The following AFAP1 variants were observed in gnomAD, a reference collection of about 807,000 sequenced individuals.
AFAP1 encodes the protein actin filament associated protein 1.
A neutral mutation model predicts 93.9 loss-of-function variants in AFAP1; 75 were observed. That is an observed-to-expected ratio of 0.80 (90% confidence interval 0.66 to 0.97). The LOEUF (loss-of-function observed/expected upper bound fraction) is 0.97, where lower values mean the gene tolerates loss of function less well. Among genes scored for constraint, AFAP1 ranks in the 50% least tolerant of loss-of-function variants. The pLI, the probability that AFAP1 is intolerant of heterozygous loss-of-function variation, is 0.00. For missense variants in AFAP1, 1,201 were observed against 1,050.8 expected (o/e 1.14, Z -1.98); for synonymous variants, 517 against 430.7 (o/e 1.20, Z -2.48).
chr4:7,814,133 G>T (rs1720273884), intron 8 of AFAP1, among the ~76,000 whole-genome samples: 2 of 152,114 alleles, frequency 1.3e-5, no homozygotes, highest in Non-Finnish European at 2.9e-5. Context: ...TCTGATAAAG[G>T]ACTTGTATTC....
intron 1 of AFAP1, among the ~76,000 whole-genome samples, chr4:7,883,654 G>A (rs1449530262): frequency 1.3e-5 from 2 of 152,170 alleles, no homozygotes; most frequent in Non-Finnish European, 2.9e-5. Context: ...CTTTCTGCAT[G>A]CTTATTTTAT....
At chr4:7,803,340 C>T (rs966782492) in intron 9 of AFAP1, among the ~76,000 whole-genome samples, 4 of 152,212 alleles carry the variant, frequency 2.6e-5, no homozygotes, top group Non-Finnish European at 5.9e-5. Context: ...TTCACGAGGC[C>T]GTGATAAGGA....
rs551122978 is a variant in AFAP1 at position 7,819,154 on chromosome 4, G to A, written c.744C>T (p.Tyr248=). The A allele has an allele frequency of 6.2e-7, 1 of 1,612,340 alleles. No individual in the cohort carries two copies. The highest frequency in any genetic ancestry group is 1.1e-5 in the South Asian group (1 of 90,640). Residue 248 remains tyrosine, a synonymous_variant, in exon 7 of 18, where the codon TAC becomes TAT. Transcript: ENST00000420658. ...EQWLKVIKEA[Y]SGCSGPVDSE... ...AATCCACGGGGCCACTACAACCACT[G>A]TAGGCTTCTTTGATCACCTATAAAA...
intron 6 of AFAP1, among the ~76,000 whole-genome samples, chr4:7,833,946 C>T (rs868186626): frequency 6.6e-6 from 1 of 152,106 alleles, no homozygotes; most frequent in African/African-American, 2.4e-5. Context: ...AATCCCACTA[C>T]TGGGTGTCTA....
intron 1 of AFAP1, among the ~76,000 whole-genome samples, chr4:7,931,247 G>T (rs1721046239): frequency 6.6e-6 from 1 of 152,088 alleles, no homozygotes; most frequent in Non-Finnish European, 1.5e-5. Context: ...GGTAAGGTAG[G>T]GAATTGCTGG....
At chr4:7,864,141 A>G (rs62289329) in intron 3 of AFAP1, among the ~76,000 whole-genome samples, 1,080 of 34,402 alleles carry the variant, frequency 0.031, 8 homozygotes, top group South Asian at 0.041. Context: ...CCATCACAAC[A>G]CATTCCCAAC....
intron 4 of AFAP1, among the ~76,000 whole-genome samples, 198 bp from the exon 5 acceptor site, chr4:7,843,548 A>G (rs1002362099): frequency 2.0e-5 from 3 of 152,192 alleles, no homozygotes; most frequent in Admixed American, 6.5e-5. Flanking sequence ...AAACTCAATG[A>G]CAAGGTGAAG....
chr4:7,915,040 G>C (rs528267428), intron 1 of AFAP1, among the ~76,000 whole-genome samples: 5 of 151,958 alleles, frequency 3.3e-5, no homozygotes, highest in Admixed American at 6.6e-5. Context: ...GTGATCCACC[G>C]ACCCAGCTAA....
At chr4:7,855,122 G>A (rs986748371) in intron 4 of AFAP1, among the ~76,000 whole-genome samples, 1 of 152,248 alleles carries the variant, frequency 6.6e-6, no homozygotes, top group African/African-American at 2.4e-5. Flanking sequence ...TGCAGCCCAA[G>A]AGCATCAAAG....
chr4:7,793,568 G>A (rs935413710), intron 11 of AFAP1, 113 bp downstream of exon 11: 5 of 1,188,500 alleles, frequency 4.2e-6, no homozygotes, highest in East Asian at 2.7e-5. Flanking sequence ...AAAAGGGAAA[G>A]TCTTTAGTTT....
At position 7,772,783 on chromosome 4, in the gene AFAP1, C is replaced by G. The variant is rs113540035; in HGVS notation, c.2253+37G>C. On this transcript the variant is annotated intron_variant, in intron 16 of 17. Coordinates refer to ENST00000420658, the MANE Select transcript of AFAP1 (RefSeq NM_001134647.2). ...GCACTGGCCCTCGGCCACGCAAGGC[C>G]GCGCCAGCCTCCGAGGTGAGCCAGA... 1.3e-3 allele frequency: 2,047 copies of G among 1,595,952 alleles called. 27 individuals are homozygous for G. The African/African-American group carries it at 0.025, about 19-fold the overall frequency.
In AFAP1 at chr4:7,786,045, G is replaced by A. The variant is rs988344563; in HGVS notation, c.1530+149C>T. 3.0e-5 allele frequency: 20 copies of A among 666,376 alleles called. No individual in the cohort carries two copies. In the South Asian group the frequency reaches 3.6e-4, roughly 12 times the overall value. The allele number at this position is 666,376 out of a possible 1,614,324, so 41.3% of individuals were successfully genotyped here. A position where few individuals can be genotyped will look rare whatever the true frequency, so the allele number is the denominator to read the frequency against. On this transcript the variant is annotated intron_variant, in intron 12 of 17. Coordinates refer to ENST00000420658, the MANE Select transcript of AFAP1 (RefSeq NM_001134647.2). ...AGATAAACAGCATGTCAGAAACCAG[G>A]AGAACAGAGATGAGATGGAGTCTCC... is the stretch of plus-strand genomic sequence containing the variant.
At chr4:7,886,983 G>A (rs1210807628) in intron 1 of AFAP1, among the ~76,000 whole-genome samples, 3 of 152,148 alleles carry the variant, frequency 2.0e-5, no homozygotes, top group African/African-American at 4.8e-5. Flanking sequence ...ACATCCAAGG[G>A]CTCACAACCT....
At chr4:7,798,636 G>A (rs910449199) in intron 10 of AFAP1, among the ~76,000 whole-genome samples, 9 of 152,306 alleles carry the variant, frequency 5.9e-5, no homozygotes, top group South Asian at 2.1e-4. Flanking sequence ...TCTTGCTGTC[G>A]TGTCATTCAG....
chr4:7,763,514 C>A lies in AFAP1; in HGVS notation c.*251G>T. 2 of 541,318 alleles carry A rather than the reference C, an allele frequency of 3.7e-6. No homozygotes were observed. Among genetic ancestry groups the A allele is most frequent in the Non-Finnish European group, 6.5e-6 (2 of 306,562 alleles). The allele number at this position is 541,318 out of a possible 1,614,324, so 33.5% of individuals were successfully genotyped here. Reference sequence around the variant, plus strand: ...CGCCTGATAGCATCCTTTCAAACACCTTTCCATCACTTTTTTTGTTTTTTA... The same window carrying A: ...CGCCTGATAGCATCCTTTCAAACACATTTCCATCACTTTTTTTGTTTTTTA... On this transcript the variant is annotated 3_prime_UTR_variant, in exon 18 of 18. Transcript: ENST00000420658.
chr4:7,885,681 GACA>G (rs1246050018), intron 1 of AFAP1, among the ~76,000 whole-genome samples: 1 of 152,192 alleles, frequency 6.6e-6, no homozygotes, highest in Non-Finnish European at 1.5e-5. Flanking sequence ...CTCCATAATA[GACA>G]ACATTCCTGA....
At chr4:7,793,421 G>C (rs1358809784) in intron 11 of AFAP1, among the ~76,000 whole-genome samples, 2 of 152,212 alleles carry the variant, frequency 1.3e-5, no homozygotes, top group Non-Finnish European at 2.9e-5. Flanking sequence ...TTATTAACAG[G>C]AAACGTGTGG....
chr4:7,904,395 C>G (rs1242860119), intron 1 of AFAP1, among the ~76,000 whole-genome samples: 2 of 152,172 alleles, frequency 1.3e-5, no homozygotes, highest in African/African-American at 4.8e-5. Flanking sequence ...AAGTTCCTTC[C>G]AATACCATGA....
intron 10 of AFAP1, among the ~76,000 whole-genome samples, chr4:7,796,554 C>A (rs1309259907): frequency 1.3e-5 from 2 of 150,366 alleles, no homozygotes; most frequent in Non-Finnish European, 2.9e-5. Flanking sequence ...TCGAGACCAT[C>A]CTGGCTAACA....
Sources: allele counts gnomAD v4.1 joint callset (sites outside exome capture counted in the v4.1 genomes callset), GRCh38; gene constraint gnomAD v4.1.1; transcripts MANE v1.5; gene names NCBI Gene and HGNC (gene_info 2026-07-23, HGNC 2026-07-21).